FRMD4A: variants seen among roughly 807,000 people sequenced by gnomAD.
FRMD4A encodes FERM domain containing 4A.
In FRMD4A, 29 loss-of-function variants were observed where a neutral mutation model predicts 129.1. That is an observed-to-expected ratio of 0.22 (90% CI 0.17 to 0.31). The LOEUF is 0.31. FRMD4A is among the 10% of genes least tolerant of loss of function. FRMD4A has a pLI of 1.00. For synonymous variants in FRMD4A, 634 were observed against 571.6 expected, an observed-to-expected ratio of 1.11 and a Z score of -1.56; for missense variants, 1,272 against 1,375.8, an observed-to-expected ratio of 0.92 and a Z score of 1.19.
intron 2 of FRMD4A, among the ~76,000 whole-genome samples, chr10:14,105,057 G>C (rs911879080): frequency 9.2e-5 from 14 of 152,236 alleles, no homozygotes; most frequent in African/African-American, 2.9e-4. Context: ...CCTTACGCGT[G>C]GAGTCTCTCT....
intron 2 of FRMD4A, among the ~76,000 whole-genome samples, chr10:14,321,484 T>C (rs771729088): frequency 9.2e-5 from 14 of 151,746 alleles, no homozygotes; most frequent in Non-Finnish European, 2.1e-4. Flanking sequence ...GGGAAGGAAA[T>C]GTCCAACACT....
chr10:13,714,027 C>CATATATATAAAATATATATTTTTTAT (rs1554858885), intron 12 of FRMD4A, among the ~76,000 whole-genome samples: 4 of 31,168 alleles, frequency 1.3e-4, no homozygotes, highest in South Asian at 1.0e-3. Flanking sequence ...ATAAAATATA[C>CATATATATAAAATATATATTTTTTAT]ATATATATAT....
At chr10:13,871,294 G>C (rs375186740) in intron 2 of FRMD4A, 1 of 153,212 alleles carries the variant, frequency 6.5e-6, no homozygotes, top group East Asian at 1.9e-4. Context: ...CTGTGTGGGG[G>C]CGGACACGGT....
chr10:13,660,581 G>A (rs940795861), intron 19 of FRMD4A, 28 bp from the exon 20 acceptor site: 1 of 1,407,088 alleles, frequency 7.1e-7, no homozygotes, highest in Admixed American at 1.8e-5. Context: ...GAGAGGAACT[G>A]AGCCCCGGTC....
intron 2 of FRMD4A, among the ~76,000 whole-genome samples, chr10:14,167,785 A>G (rs1841267403): frequency 6.6e-6 from 1 of 152,062 alleles, no homozygotes; most frequent in African/African-American, 2.4e-5. Context: ...AGCAGGGTAG[A>G]CAGACAGGGC....
chr10:14,185,505 A>C (rs11258925), intron 2 of FRMD4A, among the ~76,000 whole-genome samples: 16 of 152,256 alleles, frequency 1.1e-4, no homozygotes, highest in Non-Finnish European at 1.6e-4. Flanking sequence ...AACTTCAAGT[A>C]TTTTTTGGAG....
chr10:13,849,595 C>T (rs1001182932), intron 3 of FRMD4A, among the ~76,000 whole-genome samples: 1 of 151,588 alleles, frequency 6.6e-6, no homozygotes, highest in Non-Finnish European at 1.5e-5. Context: ...ATTCTCCTGC[C>T]TCAGCCTCCC....
chr10:14,250,396 T>C (rs571465620), intron 2 of FRMD4A, among the ~76,000 whole-genome samples: 1 of 152,366 alleles, frequency 6.6e-6, no homozygotes, highest in South Asian at 2.1e-4. Context: ...AAATGGCGTC[T>C]TGTTTTATAA....
At chr10:14,258,469 T>C (rs1453983061) in intron 2 of FRMD4A, among the ~76,000 whole-genome samples, 1 of 152,110 alleles carries the variant, frequency 6.6e-6, no homozygotes, top group Non-Finnish European at 1.5e-5. Flanking sequence ...CACGCATTAT[T>C]AGGAAAAAGC....
chr10:13,672,925 T>C (rs536223390), intron 16 of FRMD4A, among the ~76,000 whole-genome samples: 1 of 152,354 alleles, frequency 6.6e-6, no homozygotes, highest in Admixed American at 6.5e-5. Flanking sequence ...GGGTTATTTC[T>C]TCCACTCAAG....
intron 2 of FRMD4A, among the ~76,000 whole-genome samples, chr10:14,091,227 C>G (rs1185854020): frequency 6.6e-6 from 1 of 151,976 alleles, no homozygotes; most frequent in Non-Finnish European, 1.5e-5. Context: ...AAAAAGCAAT[C>G]AGATGTTGTG....
At chr10:13,706,888 T>C in intron 13 of FRMD4A, 149 bp downstream of exon 13, 1 of 594,340 alleles carries the variant, frequency 1.7e-6, no homozygotes. Context: ...AAAGTTTCAC[T>C]GTCTGATTTG....
At chr10:14,330,357 G>A (rs969590680) in intron 1 of FRMD4A, among the ~76,000 whole-genome samples, 174 bp from the exon 2 acceptor site, 6 of 151,692 alleles carry the variant, frequency 4.0e-5, no homozygotes, top group African/African-American at 1.5e-4. Flanking sequence ...TTATTTAAAA[G>A]TGAGCCCTCC....
intron 3 of FRMD4A, among the ~76,000 whole-genome samples, chr10:13,814,159 G>T (rs11258634): frequency 6.9e-4 from 105 of 152,080 alleles, no homozygotes; most frequent in Non-Finnish European, 1.3e-3. Context: ...AGGAGGAATG[G>T]GTGATTATGC....
At chr10:14,232,417 CT>C (rs1255782552) in intron 2 of FRMD4A, among the ~76,000 whole-genome samples, 1 of 152,086 alleles carries the variant, frequency 6.6e-6, no homozygotes, top group Non-Finnish European at 1.5e-5. Context: ...ATTTGGGCTC[CT>C]TTTTGGTTCC....
chr10:14,274,240 C>T (rs974222797), intron 2 of FRMD4A, among the ~76,000 whole-genome samples: 1 of 152,196 alleles, frequency 6.6e-6, no homozygotes, highest in Non-Finnish European at 1.5e-5. Context: ...AAGTCGATCC[C>T]TAGAGGGATG....
intron 2 of FRMD4A, among the ~76,000 whole-genome samples, chr10:14,225,300 T>C (rs570094619): frequency 2.0e-5 from 3 of 152,210 alleles, no homozygotes; most frequent in Non-Finnish European, 4.4e-5. Flanking sequence ...TAGCCAAGAA[T>C]GTGGAAATGA....
intron 2 of FRMD4A, among the ~76,000 whole-genome samples, chr10:14,275,195 T>C (rs947456450): frequency 6.6e-6 from 1 of 152,194 alleles, no homozygotes. Context: ...AGGAAGCCTC[T>C]CTTGACTCTG....
Position 13,646,471 on chromosome 10 carries a change from A to AAAGAGG in FRMD4A, c.*566_*567insCCTCTT, listed in dbSNP as rs1185733014. ...CAAGGAATATTTCAGGTGTAAACTGAATATGCCACGAGGCCTCCTCTTCAT... is the reference window on the plus strand; with the variant it reads ...CAAGGAATATTTCAGGTGTAAACTGAAAGAGGATATGCCACGAGGCCTCCTCTTCAT... On this transcript the variant is annotated 3_prime_UTR_variant, in exon 25 of 25. Coordinates refer to ENST00000357447, the MANE Select transcript of FRMD4A (RefSeq NM_018027.5). 2 of 152,328 alleles carry AAAGAGG rather than the reference A, an allele frequency of 1.3e-5. No individual in the cohort carries two copies. Among genetic ancestry groups the AAAGAGG allele is most frequent in the African/African-American group, 4.8e-5 (2 of 41,430 alleles). 9.4% of individuals were successfully genotyped at this position (152,328 alleles called of 1,614,324 possible). A position where few individuals can be genotyped will look rare whatever the true frequency, so the allele number is the denominator to read the frequency against.
Sources: allele counts gnomAD v4.1 joint callset (sites outside exome capture counted in the v4.1 genomes callset), GRCh38; gene constraint gnomAD v4.1.1; transcripts MANE v1.5; gene names NCBI Gene and HGNC (gene_info 2026-07-23, HGNC 2026-07-21).